The following ONECUT1 variants were observed in gnomAD, a reference collection of about 807,000 sequenced individuals.
The protein encoded by ONECUT1 is hepatocyte nuclear factor 6.
ONECUT1 carries 12 observed loss-of-function variants against 25.6 expected under a neutral mutation model. The observed-to-expected ratio is 0.47, with a 90% CI of 0.30 to 0.76. The LOEUF (loss-of-function observed/expected upper bound fraction) is 0.76, where lower values mean the gene tolerates loss of function less well. Among genes scored for constraint, ONECUT1 ranks in the 30% least tolerant of loss-of-function variants. ONECUT1 has a pLI of 0.07. For synonymous variants in ONECUT1, 285 were observed against 270.2 expected, an observed-to-expected ratio of 1.05 and a Z score of -0.54; for missense variants, 620 against 651.2, an observed-to-expected ratio of 0.95 and a Z score of 0.52.
At chr15:52,786,485 G>C (rs2083875629) in intron 1 of ONECUT1, among the ~76,000 whole-genome samples, 1 of 152,242 alleles carries the variant, frequency 6.6e-6, no homozygotes, top group Non-Finnish European at 1.5e-5. Flanking sequence ...CTTTTTCGAG[G>C]AAAAGGCCAT....
Position 52,757,332 on chromosome 15 carries a change from C to T in ONECUT1, c.*223G>A. On this transcript the variant is annotated 3_prime_UTR_variant, in exon 2 of 2. Transcript: ENST00000305901. Reference sequence around the variant, plus strand: ...TGTGAGATCCAGTGGTGTTTTCCTGCTCATCATTTGTCTTGCCAAGTCGCC... The same window carrying T: ...TGTGAGATCCAGTGGTGTTTTCCTGTTCATCATTTGTCTTGCCAAGTCGCC... 1.9e-6 allele frequency: 1 copy of T among 529,500 alleles called. No individual in the cohort carries two copies. Among genetic ancestry groups the T allele is most frequent in the Non-Finnish European group, 3.3e-6 (1 of 303,518 alleles). 32.8% of individuals were successfully genotyped at this position (529,500 alleles called of 1,614,324 possible).
At position 52,788,910 on chromosome 15, in the gene ONECUT1, C is replaced by T. The variant is rs1276832466; in HGVS notation, c.975G>A (p.Gly325=). 2.5e-6 allele frequency: 4 copies of T among 1,614,042 alleles called. No individual in the cohort carries two copies. In the East Asian group the frequency reaches 8.9e-5, roughly 36 times the overall value. ...FAQRVLCRSQ[G]TLSDLLRNPK... is the part of the protein sequence containing the mutation. ...GGTTGCGCAGCAGGTCCGAGAGGGT[C>T]CCCTGGGAGCGGCAGAGCACCCTCT... is the stretch of plus-strand genomic sequence containing the variant. The change falls in exon 1 of 2, where the codon GGG becomes GGA. Residue 325 remains glycine, a synonymous_variant. Transcript: ENST00000305901. The surrounding 1 kb of genome is among the most constrained non-coding windows in gnomAD (Gnocchi z 4.3).
At chr15:52,787,487 C>T (rs1163963034) in intron 1 of ONECUT1, among the ~76,000 whole-genome samples, 5 of 152,158 alleles carry the variant, frequency 3.3e-5, no homozygotes, top group Non-Finnish European at 7.3e-5. Context: ...GCCCCCGGCT[C>T]AGAGCGGATT....
rs75657740 is a variant in ONECUT1, at chr15:52,785,243, G to T, written c.1105+3537C>A. Among the ~76,000 whole-genome samples, 1,667 of 152,378 alleles carry T rather than the reference G, an allele frequency of 0.011. 60 individuals are homozygous for T. In the East Asian group the frequency reaches 0.11, roughly 10 times the overall value. On this transcript the variant is annotated intron_variant, in intron 1 of 1. Transcript: ENST00000305901. ...TATTAACAAAAAAGCAAATGGACTTGTGCAGGGGCCAGTTATCAATCAACC... is the reference window on the plus strand; with the variant it reads ...TATTAACAAAAAAGCAAATGGACTTTTGCAGGGGCCAGTTATCAATCAACC...
chr15:52,758,720 G>C (rs887121075), intron 1 of ONECUT1, among the ~76,000 whole-genome samples: 19 of 152,102 alleles, frequency 1.2e-4, no homozygotes, highest in African/African-American at 4.6e-4. Flanking sequence ...TTGGCTGATG[G>C]AGTTATTCTA....
rs1214077555 is a variant in ONECUT1 at position 52,756,478 on chromosome 15, G to A, written c.*1077C>T. On this transcript the variant is annotated 3_prime_UTR_variant, in exon 2 of 2. Coordinates refer to ENST00000305901, the MANE Select transcript of ONECUT1 (RefSeq NM_004498.4). Reference sequence around the variant, plus strand: ...TCCCTGTTAAATTTAGTTTTCTAGTGTAAAAATGGGGTACTACTTTGGAAA... The same window carrying A: ...TCCCTGTTAAATTTAGTTTTCTAGTATAAAAATGGGGTACTACTTTGGAAA... 6.6e-6 allele frequency among the ~76,000 whole-genome samples: 1 copy of A among 152,100 alleles called. No homozygotes were observed. The highest frequency in any genetic ancestry group is 1.5e-5 in the Non-Finnish European group (1 of 68,022).
chr15:52,762,961 G>A (rs936583241), intron 1 of ONECUT1, among the ~76,000 whole-genome samples: 3 of 152,162 alleles, frequency 2.0e-5, no homozygotes, highest in South Asian at 2.1e-4. Context: ...GAGTCGACAG[G>A]AATGTGCAAG....
Position 52,789,634 on chromosome 15 carries a change from T to C in ONECUT1, c.251A>G (p.His84Arg). Residue 84 changes from histidine to arginine, a missense_variant, in exon 1 of 2, where the codon CAT becomes CGT. Physicochemically the swap from His to Arg is conservative, Grantham distance 29 (BLOSUM62 0). Coordinates refer to ENST00000305901, the MANE Select transcript of ONECUT1 (RefSeq NM_004498.4). The surrounding 1 kb of genome is among the most constrained non-coding windows in gnomAD (Gnocchi z 4.1). ...APEHSLAGPL[H>R]PTMTMACETP... ...CTCGCAGGCCATGGTCATGGTGGGA[T>C]GCAGGGGGCCGGCCAGGCTGTGCTC... is the stretch of plus-strand genomic sequence containing the variant. The C allele has an allele frequency of 5.8e-6, 9 of 1,554,582 alleles. No individual in the cohort carries two copies. Among genetic ancestry groups the C allele is most frequent in the Non-Finnish European group, 7.8e-6 (9 of 1,150,154 alleles).
Position 52,789,084 on chromosome 15 carries a change from T to C in ONECUT1, c.801A>G (p.Thr267=). ...NAQGHGQLLG[T]AREPNPSVTG... is the part of the protein sequence containing the mutation. ...TCACCGAAGGGTTGGGCTCCCGGGC[T>C]GTGCCCAGGAGTTGCCCGTGGCCCT... is the stretch of plus-strand genomic sequence containing the variant. The change falls in exon 1 of 2, where the codon ACA becomes ACG. Residue 267 remains threonine (T), a synonymous_variant. Coordinates refer to ENST00000305901, the MANE Select transcript of ONECUT1 (RefSeq NM_004498.4). The surrounding 1 kb of genome is among the most constrained non-coding windows in gnomAD (Gnocchi z 4.1). 6.2e-7 allele frequency: 1 copy of C among 1,601,954 alleles called. No homozygotes were observed.
Position 52,789,832 on chromosome 15 carries a change from T to C in ONECUT1, c.53A>G (p.His18Arg). ...GTCGGCAGGGGCGGGCACCGGCTCA[T>C]GGCTCACCCCGTGCAGCTCGCCGAT... ...EAIGELHGVSHEPVPAPADLL... is the reference protein window; with the variant it reads ...EAIGELHGVSREPVPAPADLL... Residue 18 changes from histidine (H) to arginine (R), a missense_variant, in exon 1 of 2, where the codon CAT becomes CGT. Around this residue, in one of 4 missense-constraint regions of ONECUT1, gnomAD observed 440 missense variants for 404.9 expected, o/e 1.09. Coordinates refer to ENST00000305901, the MANE Select transcript of ONECUT1 (RefSeq NM_004498.4). The surrounding 1 kb of genome is among the most constrained non-coding windows in gnomAD (Gnocchi z 4.1). 2 of 1,541,066 alleles carry C rather than the reference T, an allele frequency of 1.3e-6. No individual in the cohort carries two copies. Among genetic ancestry groups the C allele is most frequent in the South Asian group, 1.2e-5 (1 of 85,124 alleles).
At position 52,756,195 on chromosome 15, in the gene ONECUT1, G is replaced by A. The variant is rs747407414; in HGVS notation, c.*1360C>T. On this transcript the variant is annotated 3_prime_UTR_variant, in exon 2 of 2. Transcript: ENST00000305901. Reference sequence around the variant, plus strand: ...CAGTTGCACCTGCTGTTTTGTTGACGTCCAAGTCATAAAATTTCTGGGATT... The same window carrying A: ...CAGTTGCACCTGCTGTTTTGTTGACATCCAAGTCATAAAATTTCTGGGATT... Among the ~76,000 whole-genome samples the A allele has an allele frequency of 2.6e-5, 4 of 152,064 alleles. No individual in the cohort carries two copies. Among genetic ancestry groups the A allele is most frequent in the African/African-American group, 7.2e-5 (3 of 41,402 alleles).
intron 1 of ONECUT1, chr15:52,787,827 T>G (rs2083887046): frequency 6.6e-6 from 1 of 152,062 alleles, no homozygotes; most frequent in South Asian, 2.1e-4. Context: ...CTTTCTTCTC[T>G]GCCTATCCGC....
intron 1 of ONECUT1, among the ~76,000 whole-genome samples, chr15:52,785,068 G>T (rs1465069440): frequency 6.6e-6 from 1 of 152,270 alleles, no homozygotes; most frequent in East Asian, 1.9e-4. Context: ...AACGCTTCCA[G>T]CTCCTGCGTC....
chr15:52,766,674 T>C (rs767823475), intron 1 of ONECUT1, among the ~76,000 whole-genome samples: 34 of 152,154 alleles, frequency 2.2e-4, no homozygotes, highest in Admixed American at 1.2e-3. Flanking sequence ...GAGCATGGGA[T>C]AGTTGTCTCC....
Position 52,777,744 on chromosome 15 carries a change from A to AAAAAAAAAC in ONECUT1, c.1105+11035_1105+11036insGTTTTTTTT, listed in dbSNP as rs753677708. Among the ~76,000 whole-genome samples, 105 of 146,820 alleles carry AAAAAAAAAC rather than the reference A, an allele frequency of 7.2e-4. 1 individual carries two copies. The Middle Eastern group carries it at 0.021, about 29-fold the overall frequency. On this transcript the variant is annotated intron_variant, in intron 1 of 1. Transcript: ENST00000305901. ...CACACACACACACACACACAAAAAA[A>AAAAAAAAAC]CATGTAAAGTTATTTGTTCTCTTCC...
intron 1 of ONECUT1, among the ~76,000 whole-genome samples, chr15:52,776,487 T>C (rs1185872383): frequency 6.6e-6 from 1 of 152,226 alleles, no homozygotes; most frequent in Non-Finnish European, 1.5e-5. Context: ...CTATTGCCAC[T>C]TCTAGCTAGT....
chr15:52,788,796 G>A lies in ONECUT1; in HGVS notation c.1089C>T (p.Ser363=). The change falls in exon 1 of 2, where the codon TCC becomes TCT. Residue 363 remains serine (S), a synonymous_variant. Coordinates refer to ENST00000305901, the MANE Select transcript of ONECUT1 (RefSeq NM_004498.4). This position sits in a 1 kb window ranked among gnomAD's most constrained non-coding sequence, Gnocchi z 4.3. Reference sequence around the variant, plus strand: ...CCGGCTCACCTGCTAAGCGGAGCGCGGACATGCGCTGGAACTCCGGCTCCT... The same window carrying A: ...CCGGCTCACCTGCTAAGCGGAGCGCAGACATGCGCTGGAACTCCGGCTCCT... ...WLQEPEFQRM[S]ALRLAACKRK... is the part of the protein sequence containing the mutation. 1 of 1,611,204 alleles carries A rather than the reference G, an allele frequency of 6.2e-7. No homozygotes were observed.
At chr15:52,778,911 T>A (rs2083821401) in intron 1 of ONECUT1, among the ~76,000 whole-genome samples, 1 of 152,182 alleles carries the variant, frequency 6.6e-6, no homozygotes, top group Admixed American at 6.5e-5. Flanking sequence ...CCCAGAAAGG[T>A]TAAATTACTT....
rs559472564 is a variant in ONECUT1 at position 52,767,775 on chromosome 15, T to C, written c.1106-9928A>G. Among the ~76,000 whole-genome samples the C allele has an allele frequency of 6.6e-5, 10 of 152,326 alleles. No individual in the cohort carries two copies. The East Asian group carries it at 1.9e-3, about 29-fold the overall frequency. The stretch of plus-strand genomic sequence containing the variant: ...GCAGCACTATTCACAATAGGCAAGA[T>C]GTGGCATCAATCTAAGTGTCCATCA... On this transcript the variant is annotated intron_variant, in intron 1 of 1. Transcript: ENST00000305901.
Sources: gnomAD v4.1 joint callset for allele counts (sites outside exome capture counted in the v4.1 genomes callset) on GRCh38, gnomAD v4.1.1 for gene constraint, gnomAD v4.1.1 regional missense constraint, Gnocchi (gnomAD v3.1) non-coding constraint, MANE v1.5 for transcripts, NCBI Gene and HGNC (gene_info 2026-07-23, HGNC 2026-07-21) for gene names.